The following NCKAP5 variants were observed in gnomAD, a reference collection of about 807,000 sequenced individuals.
NCKAP5 encodes the protein nck-associated protein 5.
In NCKAP5, 92 loss-of-function variants were observed where a neutral mutation model predicts 167.0. The ratio of observed to expected loss-of-function variants is 0.55; its 90% CI spans 0.47 to 0.66. NCKAP5 has a LOEUF of 0.66. Ranked by LOEUF, NCKAP5 falls within the 30% of genes least tolerant of loss-of-function variation. The pLI is 0.00. For missense variants in NCKAP5, 2,378 were observed against 2,315.0 expected (o/e 1.03, Z -0.56); for synonymous variants, 891 against 877.4 (o/e 1.02, Z -0.27).
chr2:133,296,447 A>G (rs1331878849), intron 4 of NCKAP5, among the ~76,000 whole-genome samples: 1 of 152,134 alleles, frequency 6.6e-6, no homozygotes, highest in Non-Finnish European at 1.5e-5. Context: ...ACACAAAAAG[A>G]AAGAATATCT....
intron 17 of NCKAP5, among the ~76,000 whole-genome samples, chr2:132,730,012 A>G (rs1690830721): frequency 6.6e-6 from 1 of 152,112 alleles, no homozygotes. Flanking sequence ...TCATTCCCTA[A>G]TTTTTAACAT....
At chr2:133,429,356 G>T (rs1417913949) in intron 3 of NCKAP5, among the ~76,000 whole-genome samples, 1 of 151,984 alleles carries the variant, frequency 6.6e-6, no homozygotes, top group African/African-American at 2.4e-5. Flanking sequence ...TGTCACAAGG[G>T]TATATTGTGT....
chr2:133,024,012 A>G lies in NCKAP5; in HGVS notation c.342-29773T>C, dbSNP rs533751911. 2.0e-5 allele frequency among the ~76,000 whole-genome samples: 3 copies of G among 152,290 alleles called. No homozygotes were observed. In the East Asian group the frequency reaches 5.8e-4, roughly 29 times the overall value. ...TATAGCCTTTGCATTTGAGATATGT[A>G]TGTATGTCTTAACTCCTTCTCACTG... On this transcript the variant is annotated intron_variant, in intron 6 of 19. Transcript: ENST00000409261.
intron 4 of NCKAP5, among the ~76,000 whole-genome samples, chr2:133,226,814 C>T (rs1364394922): frequency 6.6e-6 from 1 of 152,262 alleles, no homozygotes; most frequent in South Asian, 2.1e-4. Context: ...AACTTCAAGA[C>T]GAACTTCTGT....
At chr2:133,387,382 C>T (rs991713814) in intron 3 of NCKAP5, among the ~76,000 whole-genome samples, 6 of 152,342 alleles carry the variant, frequency 3.9e-5, no homozygotes, top group African/African-American at 1.4e-4. Context: ...CCCCCACTCT[C>T]TTCTGGCTCA....
At chr2:133,129,744 A>C (rs1378453331) in intron 6 of NCKAP5, among the ~76,000 whole-genome samples, 1 of 152,256 alleles carries the variant, frequency 6.6e-6, no homozygotes, top group Non-Finnish European at 1.5e-5. Flanking sequence ...GAAAGCCATC[A>C]GGAAAGAAAA....
intron 8 of NCKAP5, among the ~76,000 whole-genome samples, chr2:132,884,649 A>T (rs181607955): frequency 6.6e-6 from 1 of 152,354 alleles, no homozygotes; most frequent in East Asian, 1.9e-4. Flanking sequence ...CTACAAAGTC[A>T]TGATTTCTTT....
the NCKAP5 span, among the ~76,000 whole-genome samples, chr2:133,637,252 G>A: frequency 2.3e-4 from 35 of 151,664 alleles, no homozygotes; most frequent in African/African-American, 8.2e-4. Context: ...ATTAGGGTTT[G>A]GAAAGCCAGA....
At chr2:133,429,347 G>T (rs980774404) in intron 3 of NCKAP5, among the ~76,000 whole-genome samples, 3 of 151,826 alleles carry the variant, frequency 2.0e-5, no homozygotes, top group Non-Finnish European at 4.4e-5. Context: ...GTGCAGGTTT[G>T]TCACAAGGGT....
At chr2:133,541,033 A>T (rs1045907468) in intron 2 of NCKAP5, among the ~76,000 whole-genome samples, 1 of 150,782 alleles carries the variant, frequency 6.6e-6, no homozygotes, top group African/African-American at 2.4e-5. Context: ...GGGTATAAAG[A>T]TACTAAATAA....
chr2:133,336,743 A>G (rs1480844577), intron 3 of NCKAP5, among the ~76,000 whole-genome samples: 1 of 152,186 alleles, frequency 6.6e-6, no homozygotes, highest in African/African-American at 2.4e-5. Flanking sequence ...CTGAGTCTGA[A>G]ACAGCTCATT....
intron 4 of NCKAP5, among the ~76,000 whole-genome samples, chr2:133,290,653 CT>C (rs1388187460): frequency 6.7e-6 from 1 of 148,870 alleles, no homozygotes; most frequent in Non-Finnish European, 1.5e-5. Flanking sequence ...GCTTGCTTGA[CT>C]TTTTTTCTTG....
At chr2:133,617,444 C>A in the NCKAP5 span, among the ~76,000 whole-genome samples, 2 of 146,936 alleles carry the variant, frequency 1.4e-5, no homozygotes, top group South Asian at 2.3e-4. Flanking sequence ...TGATAAGCAA[C>A]TTCAGCAAAG....
intron 3 of NCKAP5, among the ~76,000 whole-genome samples, chr2:133,303,961 T>C (rs1680591385): frequency 6.6e-6 from 1 of 152,176 alleles, no homozygotes; most frequent in Admixed American, 6.6e-5. Context: ...GGTATTTTAT[T>C]CCCTTTCTGT....
At chr2:133,259,307 C>A (rs2088788436) in intron 4 of NCKAP5, among the ~76,000 whole-genome samples, 1 of 152,164 alleles carries the variant, frequency 6.6e-6, no homozygotes, top group Non-Finnish European at 1.5e-5. Flanking sequence ...GGCTTTGTGT[C>A]CTTTTTCTTC....
intron 16 of NCKAP5, among the ~76,000 whole-genome samples, chr2:132,771,204 T>C (rs895519012): frequency 6.6e-6 from 1 of 152,060 alleles, no homozygotes; most frequent in Non-Finnish European, 1.5e-5. Context: ...GATCTTCCAG[T>C]GGGAGAAGAT....
At chr2:133,313,381 CTAT>C (rs57709565) in intron 3 of NCKAP5, among the ~76,000 whole-genome samples, 26,992 of 151,610 alleles carry the variant, frequency 0.18, 2,894 homozygotes, top group African/African-American at 0.31. Flanking sequence ...GTATTCTATT[CTAT>C]TAATAATAAT....
intron 5 of NCKAP5, among the ~76,000 whole-genome samples, chr2:133,165,271 C>A (rs1302496724): frequency 6.6e-6 from 1 of 152,198 alleles, no homozygotes; most frequent in Non-Finnish European, 1.5e-5. Flanking sequence ...GCACACTGTA[C>A]AATCCCTTTG....
chr2:133,393,053 C>T (rs1470243904), intron 3 of NCKAP5, among the ~76,000 whole-genome samples: 1 of 152,200 alleles, frequency 6.6e-6, no homozygotes, highest in East Asian at 1.9e-4. Flanking sequence ...TTTGCTGAAT[C>T]AAGAGCCACT....
Sources: allele counts gnomAD v4.1 joint callset (sites outside exome capture counted in the v4.1 genomes callset), GRCh38; gene constraint gnomAD v4.1.1; transcripts MANE v1.5; gene names NCBI Gene and HGNC (gene_info 2026-07-23, HGNC 2026-07-21).